FAM135B: variants seen among roughly 807,000 people sequenced by gnomAD.
The protein encoded by FAM135B is family with sequence similarity 135 member B, also known as protein FAM135B.
In FAM135B, 43 loss-of-function variants were observed where a neutral mutation model predicts 127.7. That is an observed-to-expected ratio of 0.34 (90% CI 0.26 to 0.43). The LOEUF (loss-of-function observed/expected upper bound fraction) is 0.43, where lower values mean the gene tolerates loss of function less well. Ranked by LOEUF, FAM135B falls within the 20% of genes least tolerant of loss-of-function variation. The pLI is 1.00. For synonymous variants in FAM135B, 670 were observed against 665.1 expected (o/e 1.01, Z -0.11); for missense variants, 1,558 against 1,725.6 (o/e 0.90, Z 1.72).
At chr8:138,174,417 G>A (rs576276569) in intron 11 of FAM135B, among the ~76,000 whole-genome samples, 1 of 152,178 alleles carries the variant, frequency 6.6e-6, no homozygotes, top group South Asian at 2.1e-4. Flanking sequence ...ACGCACAGGT[G>A]CCAGCCCTGC....
intron 2 of FAM135B, among the ~76,000 whole-genome samples, chr8:138,349,206 T>C (rs529670193): frequency 6.6e-6 from 1 of 152,336 alleles, no homozygotes; most frequent in African/African-American, 2.4e-5. Flanking sequence ...CCTCTGTGCC[T>C]CCTCACTTCT....
At chr8:138,302,321 A>C (rs1318078825) in intron 3 of FAM135B, among the ~76,000 whole-genome samples, 1 of 151,988 alleles carries the variant, frequency 6.6e-6, no homozygotes, top group African/African-American at 2.4e-5. Flanking sequence ...GCCCCTCTGA[A>C]GCCTTGTGCT....
Position 138,222,684 on chromosome 8 carries a change from T to G in FAM135B, c.669+20258A>C, listed in dbSNP as rs952076923. ...TAGGATTTTTGTTGGTGGTGTTTTT[T>G]TTTTTTTTTTTTTTTTTAATTCTGA... On this transcript the variant is annotated intron_variant, in intron 7 of 19. Coordinates refer to ENST00000395297, the MANE Select transcript of FAM135B (RefSeq NM_015912.4). 2.0e-4 allele frequency among the ~76,000 whole-genome samples: 29 copies of G among 147,530 alleles called. No homozygotes were observed. The South Asian group carries it at 5.7e-3, about 29-fold the overall frequency.
At chr8:138,179,577 G>C (rs771734351) in intron 9 of FAM135B, among the ~76,000 whole-genome samples, 1 of 152,174 alleles carries the variant, frequency 6.6e-6, no homozygotes, top group Non-Finnish European at 1.5e-5. Flanking sequence ...TTTAAAAAAC[G>C]TCCTGAGAGA....
At chr8:138,440,322 A>G (rs1055100289) in intron 1 of FAM135B, 2 of 152,140 alleles carry the variant, frequency 1.3e-5, no homozygotes, top group Non-Finnish European at 2.9e-5. Context: ...AACCAAGAGC[A>G]TACATTCAAG....
chr8:138,489,332 C>T (rs1815113878), intron 1 of FAM135B, among the ~76,000 whole-genome samples: 1 of 152,158 alleles, frequency 6.6e-6, no homozygotes, highest in African/African-American at 2.4e-5. Flanking sequence ...CAGAGGTATT[C>T]TTCACTCTTG....
intron 2 of FAM135B, among the ~76,000 whole-genome samples, chr8:138,317,697 G>C (rs76366979): frequency 6.6e-6 from 1 of 152,182 alleles, no homozygotes; most frequent in Non-Finnish European, 1.5e-5. Context: ...AAACGCAAAC[G>C]CCTACAGGGG....
chr8:138,335,798 T>C (rs972897976), intron 2 of FAM135B, among the ~76,000 whole-genome samples: 9 of 152,286 alleles, frequency 5.9e-5, no homozygotes, highest in African/African-American at 1.9e-4. Flanking sequence ...ATCAACAGAA[T>C]ATACACTCTT....
intron 1 of FAM135B, among the ~76,000 whole-genome samples, chr8:138,494,166 T>A (rs1010240911): frequency 4.6e-5 from 7 of 152,316 alleles, no homozygotes; most frequent in African/African-American, 1.4e-4. Context: ...TGACCCTAAA[T>A]AATGCACAAC....
At chr8:138,384,150 C>T (rs1832038047) in intron 1 of FAM135B, among the ~76,000 whole-genome samples, 2 of 152,198 alleles carry the variant, frequency 1.3e-5, no homozygotes, top group African/African-American at 2.4e-5. Context: ...ATGTCCGGTG[C>T]ATAGCATAGC....
chr8:138,143,203 C>T, intron 15 of FAM135B, 94 bp from the exon 16 acceptor site: 1 of 706,372 alleles, frequency 1.4e-6, no homozygotes, highest in South Asian at 1.6e-5. Flanking sequence ...CACTGTGGCG[C>T]CTACTGGGGA....
At chr8:138,184,135 T>C (rs1815336679) in intron 9 of FAM135B, among the ~76,000 whole-genome samples, 1 of 152,154 alleles carries the variant, frequency 6.6e-6, no homozygotes, top group African/African-American at 2.4e-5. Context: ...TGATGAGGAT[T>C]GTGTCAGGAA....
chr8:138,244,118 A>G (rs913261125), intron 6 of FAM135B, among the ~76,000 whole-genome samples: 1 of 152,164 alleles, frequency 6.6e-6, no homozygotes, highest in African/African-American at 2.4e-5. Context: ...ATTTATTCAA[A>G]TATTTATTAG....
intron 6 of FAM135B, among the ~76,000 whole-genome samples, chr8:138,248,271 G>T (rs1264509649): frequency 6.6e-6 from 1 of 152,160 alleles, no homozygotes; most frequent in East Asian, 1.9e-4. Flanking sequence ...CCTACACTGG[G>T]TTCCCACATC....
intron 1 of FAM135B, among the ~76,000 whole-genome samples, chr8:138,395,638 C>T (rs1832807778): frequency 1.3e-5 from 2 of 152,096 alleles, no homozygotes; most frequent in African/African-American, 4.8e-5. Context: ...ATTTATCAAC[C>T]ACATATTATG....
intron 3 of FAM135B, among the ~76,000 whole-genome samples, chr8:138,292,853 C>T (rs1166237207): frequency 6.6e-6 from 1 of 151,956 alleles, no homozygotes; most frequent in Non-Finnish European, 1.5e-5. Context: ...AGATTCAATG[C>T]AATTCCTATC....
chr8:138,370,381 C>A (rs114536133), intron 1 of FAM135B, among the ~76,000 whole-genome samples: 2,070 of 152,134 alleles, frequency 0.014, 39 homozygotes, highest in African/African-American at 0.047. Context: ...GCATGTTAGG[C>A]ATTATAACCA....
chr8:138,131,099 T>A lies in FAM135B; in HGVS notation c.*1494A>T, dbSNP rs958713854. ...AAGTCACATTGTTAACATAAGAGGATCTAAAATTCTCAAATGAGCTTAGAT... is the reference window on the plus strand; with the variant it reads ...AAGTCACATTGTTAACATAAGAGGAACTAAAATTCTCAAATGAGCTTAGAT... On this transcript the variant is annotated 3_prime_UTR_variant, in exon 20 of 20. Coordinates refer to ENST00000395297, the MANE Select transcript of FAM135B (RefSeq NM_015912.4). 6.6e-6 allele frequency: 1 copy of A among 152,272 alleles called. No individual in the cohort carries two copies. The highest frequency in any genetic ancestry group is 2.1e-4 in the South Asian group (1 of 4,824). The allele number at this position is 152,272 out of a possible 1,614,324, so 9.4% of individuals were successfully genotyped here.
At chr8:138,222,692 T>TG (rs1819126731) in intron 7 of FAM135B, among the ~76,000 whole-genome samples, 1 of 150,480 alleles carries the variant, frequency 6.6e-6, no homozygotes, top group Non-Finnish European at 1.5e-5. Flanking sequence ...TTTTTTTTTT[T>TG]TTTTTTTTTA....
Sources: gnomAD v4.1 joint callset for allele counts (sites outside exome capture counted in the v4.1 genomes callset) on GRCh38, gnomAD v4.1.1 for gene constraint, MANE v1.5 for transcripts, NCBI Gene and HGNC (gene_info 2026-07-23, HGNC 2026-07-21) for gene names.